Variants in GSTO1 observed in about 807,000 individuals in gnomAD.
GSTO1 encodes glutathione S-transferase omega-1.
In GSTO1, 27 loss-of-function variants were observed where a neutral mutation model predicts 23.8. The ratio of observed to expected loss-of-function variants is 1.13; its 90% confidence interval spans 0.83 to 1.56. The LOEUF (loss-of-function observed/expected upper bound fraction) is 1.56, where lower values mean the gene tolerates loss of function less well. GSTO1 is among the 40% of genes most tolerant of loss of function. The pLI is 0.00. For missense variants in GSTO1, 255 were observed against 285.8 expected, an observed-to-expected ratio of 0.89 and a Z score of 0.78; for synonymous variants, 105 against 109.3, an observed-to-expected ratio of 0.96 and a Z score of 0.25.
Position 104,254,899 on chromosome 10 carries a change from CCA to C in GSTO1, c.-29_-28del. ...CTACTTCCTGAATCCCCTGCAAACCCCAGAGGAGCTCGGCCTGCGCTGCGCCA... is the reference window on the plus strand; with the variant it reads ...CTACTTCCTGAATCCCCTGCAAACCCGAGGAGCTCGGCCTGCGCTGCGCCA... On this transcript the variant is annotated 5_prime_UTR_variant, in exon 1 of 6. Coordinates refer to ENST00000369713, the MANE Select transcript of GSTO1 (RefSeq NM_004832.3). 1 of 1,608,962 alleles carries C rather than the reference CCA, an allele frequency of 6.2e-7. No individual in the cohort carries two copies. Among genetic ancestry groups the C allele is most frequent in the Non-Finnish European group, 8.5e-7 (1 of 1,177,482 alleles).
At chr10:104,263,157 T>G in intron 4 of GSTO1, 80 bp downstream of exon 4, 1 of 625,592 alleles carries the variant, frequency 1.6e-6, no homozygotes, top group Non-Finnish European at 2.9e-6. Flanking sequence ...TTTCTTTATA[T>G]TCCCACTTTC....
At chr10:104,258,474 T>G (rs1410721492) in intron 2 of GSTO1, among the ~76,000 whole-genome samples, 4 of 152,160 alleles carry the variant, frequency 2.6e-5, no homozygotes, top group Non-Finnish European at 4.4e-5. Flanking sequence ...TAGGAGAAAG[T>G]ACTTGCAAAC....
intron 2 of GSTO1, 23 bp from the exon 3 acceptor site, chr10:104,259,551 TCA>T (rs763320404): frequency 2.1e-6 from 3 of 1,448,586 alleles, no homozygotes; most frequent in Non-Finnish European, 2.9e-6. Context: ...TTCCTTCTCT[TCA>T]TAGTCTCCTA....
intron 4 of GSTO1, 22 bp from the exon 5 acceptor site, chr10:104,266,062 T>G: frequency 1.6e-6 from 2 of 1,229,094 alleles, no homozygotes; most frequent in Non-Finnish European, 2.4e-6. Flanking sequence ...TAAGAAATAC[T>G]TTTATGCTGT....
At chr10:104,255,005 C>G (rs2091594791) in intron 1 of GSTO1, 43 bp downstream of exon 1, 2 of 1,566,402 alleles carry the variant, frequency 1.3e-6, no homozygotes, top group African/African-American at 1.4e-5. Context: ...CTCGGCGACC[C>G]CCGGCGGCAT....
intron 2 of GSTO1, among the ~76,000 whole-genome samples, chr10:104,256,317 C>G (rs147062833): frequency 1.6e-4 from 24 of 152,214 alleles, no homozygotes; most frequent in Non-Finnish European, 3.4e-4. Context: ...TAAGAGAAAT[C>G]TAATGTAACC....
intron 2 of GSTO1, among the ~76,000 whole-genome samples, chr10:104,257,583 C>G (rs12253132): frequency 6.6e-6 from 1 of 151,890 alleles, no homozygotes; most frequent in Non-Finnish European, 1.5e-5. Context: ...TTAAGCAATC[C>G]GCCCACTGCA....
intron 4 of GSTO1, among the ~76,000 whole-genome samples, chr10:104,263,348 G>C (rs916544065): frequency 1.3e-5 from 2 of 152,148 alleles, no homozygotes; most frequent in Admixed American, 1.3e-4. Context: ...AAAGGAAATT[G>C]TACCCACGTT....
intron 3 of GSTO1, among the ~76,000 whole-genome samples, chr10:104,262,148 G>A (rs374116545): frequency 7.2e-5 from 11 of 152,254 alleles, no homozygotes; most frequent in African/African-American, 2.2e-4. Context: ...TGAGAGCAGC[G>A]GCAGAGCTTC....
chr10:104,257,440 A>C (rs549442547), intron 2 of GSTO1, among the ~76,000 whole-genome samples: 1 of 151,816 alleles, frequency 6.6e-6, no homozygotes, highest in Admixed American at 6.6e-5. Flanking sequence ...TCCAGGGCTC[A>C]AGCAATCTTC....
intron 4 of GSTO1, among the ~76,000 whole-genome samples, chr10:104,264,743 T>C (rs373543263): frequency 1.1e-4 from 17 of 152,360 alleles, no homozygotes; most frequent in African/African-American, 3.8e-4. Context: ...CAGAGCATCA[T>C]AGCTTAGCCT....
At chr10:104,256,315 A>G (rs866093257) in intron 2 of GSTO1, among the ~76,000 whole-genome samples, 2 of 152,216 alleles carry the variant, frequency 1.3e-5, no homozygotes, top group South Asian at 4.1e-4. Context: ...ACTAAGAGAA[A>G]TCTAATGTAA....
intron 1 of GSTO1, 84 bp downstream of exon 1, chr10:104,255,046 C>A (rs2091595238): frequency 2.0e-6 from 3 of 1,470,418 alleles, no homozygotes; most frequent in Admixed American, 3.9e-5. Flanking sequence ...CCCAGCCGCC[C>A]GGGAGCGCCC....
rs2091596191 is a variant in GSTO1 at position 104,255,158 on chromosome 10, G to A, written c.35-5G>A. ...GCCGTAATCGCCTTCGCTTCTCCCC[G>A]GCAGGAAGCGCGCCCCCGGGGCCGG... On this transcript the variant is annotated splice_polypyrimidine_tract_variant and splice_region_variant and intron_variant, in intron 1 of 5. Transcript: ENST00000369713. 1.2e-6 allele frequency: 2 copies of A among 1,609,742 alleles called. No individual in the cohort carries two copies. The highest frequency in any genetic ancestry group is 1.7e-4 in the Middle Eastern group (1 of 6,052).
chr10:104,260,885 G>A (rs1219434424), intron 3 of GSTO1, among the ~76,000 whole-genome samples: 1 of 152,214 alleles, frequency 6.6e-6, no homozygotes, highest in Admixed American at 6.5e-5. Flanking sequence ...AGAGGCGGCT[G>A]CTGTGAAAGA....
At chr10:104,256,652 A>G (rs2091604197) in intron 2 of GSTO1, among the ~76,000 whole-genome samples, 1 of 152,232 alleles carries the variant, frequency 6.6e-6, no homozygotes, top group Non-Finnish European at 1.5e-5. Flanking sequence ...TTTTAACCAC[A>G]TGATATGACT....
At position 104,263,164 on chromosome 10, in the gene GSTO1, T is replaced by TTTCTTTTCTTTATA. The variant is rs2011153191; in HGVS notation, c.465+90_465+91insTTTTCTTTATATTC. ...CCTATTCTTTTCTTTATATTCCCAC[T>TTTCTTTTCTTTATA]TTCCAAGTCACTTTAAGGTAATTAG... On this transcript the variant is annotated intron_variant, in intron 4 of 5. Coordinates refer to ENST00000369713, the MANE Select transcript of GSTO1 (RefSeq NM_004832.3). 3 of 608,736 alleles carry TTTCTTTTCTTTATA rather than the reference T, an allele frequency of 4.9e-6. No homozygotes were observed. In the African/African-American group the frequency reaches 5.5e-5, roughly 11 times the overall value. The allele number at this position is 608,736 out of a possible 1,614,324, so 37.7% of individuals were successfully genotyped here. A position where few individuals can be genotyped will look rare whatever the true frequency, so the allele number is the denominator to read the frequency against.
intron 4 of GSTO1, among the ~76,000 whole-genome samples, chr10:104,263,419 A>T (rs1029750494): frequency 7.0e-6 from 1 of 143,518 alleles, no homozygotes; most frequent in Non-Finnish European, 1.5e-5. Context: ...CCATATATTT[A>T]AAAAAAATTA....
At chr10:104,262,068 G>C (rs74154774) in intron 3 of GSTO1, among the ~76,000 whole-genome samples, 11,175 of 152,142 alleles carry the variant, frequency 0.073, 1,367 homozygotes, top group African/African-American at 0.25. Context: ...AATCAGAAAC[G>C]AGCAAGGTAA....
Sources: gnomAD v4.1 joint callset for allele counts (sites outside exome capture counted in the v4.1 genomes callset) on GRCh38, gnomAD v4.1.1 for gene constraint, MANE v1.5 for transcripts, NCBI Gene and HGNC (gene_info 2026-07-23, HGNC 2026-07-21) for gene names.